Variants in CSMD1 observed in about 807,000 individuals in gnomAD.
CSMD1 encodes CUB and Sushi multiple domains 1, also known as CUB and sushi domain-containing protein 1.
In CSMD1, 213 loss-of-function variants were observed where a neutral mutation model predicts 417.5. The ratio of observed to expected loss-of-function variants is 0.51; its 90% CI spans 0.46 to 0.57. The LOEUF (loss-of-function observed/expected upper bound fraction) is 0.57. Among genes scored for constraint, CSMD1 ranks in the 20% least tolerant of loss-of-function variants. The pLI is 0.00. For synonymous variants in CSMD1, 2,862 were observed against 1,736.8 expected (o/e 1.65, Z -16.11); for missense variants, 6,923 against 4,529.7 (o/e 1.53, Z -15.17).
intron 8 of CSMD1, among the ~76,000 whole-genome samples, chr8:3,591,851 G>C (rs2117029152): frequency 6.6e-6 from 1 of 152,234 alleles, no homozygotes; most frequent in Non-Finnish European, 1.5e-5. Flanking sequence ...AGATTAGATA[G>C]ATAAATAGAT....
intron 3 of CSMD1, among the ~76,000 whole-genome samples, chr8:4,159,247 T>A (rs1294542791): frequency 6.6e-6 from 1 of 152,152 alleles, no homozygotes; most frequent in Non-Finnish European, 1.5e-5. Flanking sequence ...AACCGTGAAA[T>A]GTTTTACTCA....
At chr8:4,077,295 G>GTATATATATATATGTATATATATATA (rs1253192594) in intron 3 of CSMD1, among the ~76,000 whole-genome samples, 4 of 88,916 alleles carry the variant, frequency 4.5e-5, no homozygotes, top group African/African-American at 1.7e-4. Context: ...ATATATATAT[G>GTATATATATATATGTATATATATATA]TGTATATATA....
chr8:3,096,080 T>C (rs992880454), intron 47 of CSMD1, among the ~76,000 whole-genome samples: 1 of 152,154 alleles, frequency 6.6e-6, no homozygotes, highest in African/African-American at 2.4e-5. Context: ...TTTCCTAAAA[T>C]ATCTTGTGAA....
intron 1 of CSMD1, among the ~76,000 whole-genome samples, chr8:4,795,325 G>A (rs990253239): frequency 1.7e-5 from 2 of 119,712 alleles, no homozygotes; most frequent in African/African-American, 3.2e-5. Flanking sequence ...AGGCTGGAGT[G>A]CAGTGACACG....
chr8:4,248,161 T>G (rs1229790291), intron 3 of CSMD1, among the ~76,000 whole-genome samples: 1 of 152,184 alleles, frequency 6.6e-6, no homozygotes, highest in Non-Finnish European at 1.5e-5. Flanking sequence ...AGAAAAAAAT[T>G]GCTTTGAAAC....
chr8:3,616,055 C>T (rs752886609), intron 8 of CSMD1, among the ~76,000 whole-genome samples: 2 of 152,052 alleles, frequency 1.3e-5, no homozygotes, highest in Non-Finnish European at 2.9e-5. Flanking sequence ...ATGCATCATT[C>T]CTAAAGTTTT....
At chr8:3,934,079 T>A (rs968294725) in intron 5 of CSMD1, among the ~76,000 whole-genome samples, 1 of 152,180 alleles carries the variant, frequency 6.6e-6, no homozygotes, top group Non-Finnish European at 1.5e-5. Flanking sequence ...ATGGCCACTA[T>A]TTCTTTTCTA....
chr8:4,334,794 G>A (rs745789731), intron 3 of CSMD1, among the ~76,000 whole-genome samples: 5 of 152,046 alleles, frequency 3.3e-5, no homozygotes, highest in Non-Finnish European at 5.9e-5. Context: ...TGTTTGGGCT[G>A]CTATGACAAA....
chr8:4,347,633 C>T (rs1800848056), intron 3 of CSMD1, among the ~76,000 whole-genome samples: 1 of 152,148 alleles, frequency 6.6e-6, no homozygotes, highest in Non-Finnish European at 1.5e-5. Flanking sequence ...AGTGCAAAAG[C>T]AATGAAAGGA....
chr8:3,867,468 A>C (rs1301050547), intron 5 of CSMD1, among the ~76,000 whole-genome samples: 1 of 152,164 alleles, frequency 6.6e-6, no homozygotes, highest in East Asian at 1.9e-4. Context: ...TAACTAAACA[A>C]AATATATCTG....
intron 1 of CSMD1, among the ~76,000 whole-genome samples, chr8:4,752,107 T>TATATATATCACATGTATATATC (rs1403519645): frequency 2.0e-5 from 3 of 152,174 alleles, no homozygotes; most frequent in Admixed American, 6.5e-5. Flanking sequence ...ATGTATCACA[T>TATATATATCACATGTATATATC]ATATATATCA....
At chr8:4,061,589 G>C (rs2194606) in intron 3 of CSMD1, among the ~76,000 whole-genome samples, 12,786 of 152,238 alleles carry the variant, frequency 0.084, 1,550 homozygotes, top group African/African-American at 0.26. Context: ...TAAGGAAGTT[G>C]TCTGGTTCCA....
chr8:3,410,746 A>G (rs1812642234), intron 12 of CSMD1, among the ~76,000 whole-genome samples: 1 of 152,118 alleles, frequency 6.6e-6, no homozygotes, highest in Non-Finnish European at 1.5e-5. Flanking sequence ...TTTTAAAATT[A>G]TTATTTTTTT....
intron 52 of CSMD1, among the ~76,000 whole-genome samples, chr8:3,006,140 A>T (rs1371172506): frequency 5.3e-5 from 8 of 151,412 alleles, no homozygotes; most frequent in African/African-American, 1.5e-4. Context: ...AGACAAACAG[A>T]GAGCCAAATC....
At chr8:3,259,965 G>C (rs1273404561) in intron 26 of CSMD1, among the ~76,000 whole-genome samples, 1 of 152,282 alleles carries the variant, frequency 6.6e-6, no homozygotes, top group East Asian at 1.9e-4. Context: ...ACAGAGCTGA[G>C]GACCTGCCTT....
chr8:3,535,073 G>A (rs1206456631), intron 10 of CSMD1, among the ~76,000 whole-genome samples: 1 of 152,070 alleles, frequency 6.6e-6, no homozygotes, highest in Non-Finnish European at 1.5e-5. Flanking sequence ...TCAGCCTACT[G>A]AGTAGTTGGG....
intron 3 of CSMD1, among the ~76,000 whole-genome samples, chr8:4,163,768 G>C (rs1409560357): frequency 6.6e-6 from 1 of 152,050 alleles, no homozygotes; most frequent in African/African-American, 2.4e-5. Flanking sequence ...TACAATTTTG[G>C]AAATGTAATG....
At chr8:4,072,382 G>C (rs1023090686) in intron 3 of CSMD1, among the ~76,000 whole-genome samples, 2 of 152,080 alleles carry the variant, frequency 1.3e-5, no homozygotes, top group African/African-American at 2.4e-5. Flanking sequence ...CCTGCCTTTA[G>C]TTTACTGCAT....
chr8:4,875,035 CCTCT>C (rs1224580149), intron 1 of CSMD1, among the ~76,000 whole-genome samples: 1 of 151,534 alleles, frequency 6.6e-6, no homozygotes, highest in African/African-American at 2.4e-5. Flanking sequence ...CTTCTCTCTC[CCTCT>C]CTGTCTTTCT....
Sources: allele counts gnomAD v4.1 joint callset (sites outside exome capture counted in the v4.1 genomes callset), GRCh38; gene constraint gnomAD v4.1.1; transcripts MANE v1.5; gene names NCBI Gene and HGNC (gene_info 2026-07-23, HGNC 2026-07-21).